Variants in DNAAF9 observed in about 807,000 individuals in gnomAD.
DNAAF9 encodes the protein shulin.
DNAAF9 carries 90 observed loss-of-function variants against 167.0 expected under a neutral mutation model. The ratio of observed to expected loss-of-function variants is 0.54; its 90% CI spans 0.45 to 0.64. DNAAF9 has a LOEUF of 0.64. Among genes scored for constraint, DNAAF9 ranks in the 30% least tolerant of loss-of-function variants. The pLI is 0.00. For missense variants in DNAAF9, 1,315 were observed against 1,442.2 expected (o/e 0.91, Z 1.43); for synonymous variants, 491 against 508.8 (o/e 0.96, Z 0.47).
intron 30 of DNAAF9, among the ~76,000 whole-genome samples, chr20:3,268,532 T>C (rs981710015): frequency 3.3e-5 from 5 of 152,082 alleles, no homozygotes; most frequent in Non-Finnish European, 7.4e-5. Flanking sequence ...TTTCACCATG[T>C]TGGTAGGGCT....
At chr20:3,380,788 T>C (rs2083638669) in intron 3 of DNAAF9, among the ~76,000 whole-genome samples, 1 of 152,214 alleles carries the variant, frequency 6.6e-6, no homozygotes, top group Non-Finnish European at 1.5e-5. Flanking sequence ...ATATGTGATA[T>C]CAGAGATAGC....
intron 7 of DNAAF9, among the ~76,000 whole-genome samples, chr20:3,349,210 A>AC (rs1555794924): frequency 6.6e-6 from 1 of 150,398 alleles, no homozygotes; most frequent in Non-Finnish European, 1.5e-5. Context: ...AAAACAAAAA[A>AC]AAAAAAAACA....
In DNAAF9 at chr20:3,274,209, C is replaced by T. The variant is rs144693436; in HGVS notation, c.2651-3647G>A. On this transcript the variant is annotated intron_variant, in intron 29 of 36. Transcript: ENST00000252032. ...CCAGGCTGCAGTGTAGTGGTGTGAT[C>T]TCGGCTGGTTGCAACCTCCATGTCC... is the stretch of plus-strand genomic sequence containing the variant. Among the ~76,000 whole-genome samples, 1,370 of 150,882 alleles carry T rather than the reference C, an allele frequency of 9.1e-3. 19 individuals carry two copies. The highest frequency in any genetic ancestry group is 0.032 in the African/African-American group (1,316 of 41,112).
chr20:3,290,787 C>CTTTT lies in DNAAF9; in HGVS notation c.2239-574_2239-571dup, dbSNP rs548143543. Reference sequence around the variant, plus strand: ...CCAAGTCACACGGTCAGGGCTAAGTCTTTTTTTTTTTTTTTTTTTGAGATG... The same window carrying CTTTT: ...CCAAGTCACACGGTCAGGGCTAAGTCTTTTTTTTTTTTTTTTTTTTTTTGAGATG... On this transcript the variant is annotated intron_variant, in intron 25 of 36. Coordinates refer to ENST00000252032, the MANE Select transcript of DNAAF9 (RefSeq NM_001009984.3). 6.8e-3 allele frequency among the ~76,000 whole-genome samples: 923 copies of CTTTT among 135,246 alleles called. 11 individuals are homozygous for CTTTT. The highest frequency in any genetic ancestry group is 0.024 in the African/African-American group (889 of 36,334). 88.7% of individuals were successfully genotyped at this position (135,246 alleles called of 152,430 possible).
At position 3,290,157 on chromosome 20, in the gene DNAAF9, G is replaced by T; in HGVS notation, c.2299C>A (p.Leu767Met). The T allele has an allele frequency of 6.2e-7, 1 of 1,612,552 alleles. No individual in the cohort carries two copies. The highest frequency in any genetic ancestry group is 8.5e-7 in the Non-Finnish European group (1 of 1,178,510). The stretch of plus-strand genomic sequence containing the variant: ...CCACATTCCTTATGCAGAGTGACCA[G>T]AAAAGCACAGAGCTCGCTAGCGTGA... ...GCHASELCAF[L>M]VTLHKECGRW... is the part of the protein sequence containing the mutation. Residue 767 changes from leucine (L) to methionine (M), a missense_variant, in exon 26 of 37, where the codon CTG becomes ATG. Leu to Met is a conservative substitution (Grantham distance 15). This residue lies in a region of DNAAF9 where 981 missense variants were observed against 1,012.5 expected (regional missense o/e 0.97). Transcript: ENST00000252032.
intron 30 of DNAAF9, among the ~76,000 whole-genome samples, chr20:3,266,452 T>C (rs2068491327): frequency 6.6e-6 from 1 of 152,172 alleles, no homozygotes; most frequent in Non-Finnish European, 1.5e-5. Context: ...GGTTACAAAA[T>C]GATTATTTTC....
intron 1 of DNAAF9, among the ~76,000 whole-genome samples, chr20:3,388,597 G>A (rs897734719): frequency 2.0e-5 from 3 of 152,166 alleles, no homozygotes; most frequent in African/African-American, 7.2e-5. Context: ...ACACACAATG[G>A]AATATTATTT....
rs1050187996 is a variant in DNAAF9, at chr20:3,255,925, G to A, written c.3261+81C>T. 6.9e-5 allele frequency: 71 copies of A among 1,032,740 alleles called. No homozygotes were observed. In the Middle Eastern group the frequency reaches 9.1e-4, roughly 13 times the overall value. 64.0% of individuals were successfully genotyped at this position (1,032,740 alleles called of 1,614,324 possible). On this transcript the variant is annotated intron_variant, in intron 34 of 36. Coordinates refer to ENST00000252032, the MANE Select transcript of DNAAF9 (RefSeq NM_001009984.3). The stretch of plus-strand genomic sequence containing the variant: ...AGTGGGGAGGCATCAGGGAGGCAGT[G>A]GCGGGGCTTCTCAGGGCCAACAGCA...
In DNAAF9 at chr20:3,298,035, G is replaced by A. The variant is rs41281886; in HGVS notation, c.1923C>T (p.Tyr641=). 32,589 of 1,612,062 alleles carry A rather than the reference G, an allele frequency of 0.02. 437 individuals carry two copies. The highest frequency in any genetic ancestry group is 0.038 in the South Asian group (3,462 of 90,984). ...FPKSKIYQAF[Y]SEVFSLWKQQ... Reference sequence around the variant, plus strand: ...GAATAATGACTGATATTACCTCTGAGTAAAATGCTTGGTATATCTTCGATT... The same window carrying A: ...GAATAATGACTGATATTACCTCTGAATAAAATGCTTGGTATATCTTCGATT... Residue 641 remains tyrosine (Y), a synonymous_variant, in exon 22 of 37, where the codon TAC becomes TAT. Transcript: ENST00000252032.
At chr20:3,269,972 C>T (rs1247001305) in intron 30 of DNAAF9, among the ~76,000 whole-genome samples, 1 of 149,288 alleles carries the variant, frequency 6.7e-6, no homozygotes, top group South Asian at 2.1e-4. Flanking sequence ...AAAAAAAAAA[C>T]ACTTCAAAAA....
At chr20:3,312,995 T>C (rs2069440622) in intron 20 of DNAAF9, among the ~76,000 whole-genome samples, 1 of 152,196 alleles carries the variant, frequency 6.6e-6, no homozygotes, top group Non-Finnish European at 1.5e-5. Context: ...ACAGAGACCT[T>C]AGGATACACT....
chr20:3,376,920 T>A (rs1255729033), intron 3 of DNAAF9, among the ~76,000 whole-genome samples: 2 of 151,924 alleles, frequency 1.3e-5, no homozygotes, highest in African/African-American at 4.8e-5. Context: ...AACACAAAAA[T>A]TAGCCGGGTG....
At position 3,407,646 on chromosome 20, in the gene DNAAF9, G is replaced by A; in HGVS notation, c.-89C>T. The A allele has an allele frequency of 3.5e-6, 4 of 1,148,066 alleles. No homozygotes were observed. The highest frequency in any genetic ancestry group is 4.3e-6 in the Non-Finnish European group (4 of 934,466). The allele number at this position is 1,148,066 out of a possible 1,614,324, so 71.1% of individuals were successfully genotyped here. A position where few individuals can be genotyped will look rare whatever the true frequency, so the allele number is the denominator to read the frequency against. ...GCGGCTCCACGCTAGCTGCGGCCGG[G>A]CGGGGCGGCAGGGCGTGCCGGGTGG... is the stretch of plus-strand genomic sequence containing the variant. On this transcript the variant is annotated 5_prime_UTR_variant, in exon 1 of 37. Transcript: ENST00000252032.
Position 3,343,858 on chromosome 20 carries a change from T to C in DNAAF9, c.790-127A>G, listed in dbSNP as rs912259713. 3.2e-3 allele frequency: 1,952 copies of C among 614,240 alleles called. 16 individuals are homozygous for C. The highest frequency in any genetic ancestry group is 0.022 in the East Asian group (788 of 35,208). 38.0% of individuals were successfully genotyped at this position (614,240 alleles called of 1,614,324 possible). A position where few individuals can be genotyped will look rare whatever the true frequency, so the allele number is the denominator to read the frequency against. ...TGCACAGCGTGTGTGTGTGTGTGTG[T>C]GCGTGTGTGCATGTGCGTGTGTGTG... is the stretch of plus-strand genomic sequence containing the variant. On this transcript the variant is annotated intron_variant, in intron 8 of 36. Transcript: ENST00000252032.
Position 3,375,212 on chromosome 20 carries a change from T to G in DNAAF9, c.409-86A>C, listed in dbSNP as rs913721085. ...TTTCTCTGCATTTTGTCAACCAGAG[T>G]TGTCCCAAATGACATTTACAGAGGA... On this transcript the variant is annotated intron_variant, in intron 4 of 36. Coordinates refer to ENST00000252032, the MANE Select transcript of DNAAF9 (RefSeq NM_001009984.3). 6.9e-6 allele frequency: 6 copies of G among 866,602 alleles called. No homozygotes were observed. The African/African-American group carries it at 8.3e-5, about 12-fold the overall frequency. 53.7% of individuals were successfully genotyped at this position (866,602 alleles called of 1,614,324 possible).
rs1241904965 is a variant in DNAAF9, at chr20:3,404,081, G to T, written c.83+3394C>A. On this transcript the variant is annotated intron_variant, in intron 1 of 36. Coordinates refer to ENST00000252032, the MANE Select transcript of DNAAF9 (RefSeq NM_001009984.3). ...TTTCACTCTTGTTGCCCACACTGGA[G>T]TGCAATGGCAAGATCTTGGCTCACT... 5.3e-5 allele frequency among the ~76,000 whole-genome samples: 8 copies of T among 152,214 alleles called. No homozygotes were observed. In the South Asian group the frequency reaches 1.4e-3, roughly 28 times the overall value.
At position 3,288,702 on chromosome 20, in the gene DNAAF9, G is replaced by C. The variant is rs1290449126; in HGVS notation, c.2328-912C>G. The stretch of plus-strand genomic sequence containing the variant: ...GCCTTACCTTGGGGTAGACTGACTG[G>C]ATATTAAACACCTGGTTCAATCTGC... On this transcript the variant is annotated intron_variant, in intron 26 of 36. Coordinates refer to ENST00000252032, the MANE Select transcript of DNAAF9 (RefSeq NM_001009984.3). Among the ~76,000 whole-genome samples the C allele has an allele frequency of 2.0e-5, 3 of 152,100 alleles. No homozygotes were observed. The East Asian group carries it at 5.8e-4, about 29-fold the overall frequency.
At chr20:3,276,377 G>C (rs1284678161) in intron 29 of DNAAF9, among the ~76,000 whole-genome samples, 1 of 152,146 alleles carries the variant, frequency 6.6e-6, no homozygotes, top group Non-Finnish European at 1.5e-5. Flanking sequence ...TCCGAAAACA[G>C]CATATGTGGC....
chr20:3,334,043 A>G (rs991460248), intron 10 of DNAAF9, among the ~76,000 whole-genome samples: 5 of 152,204 alleles, frequency 3.3e-5, no homozygotes, highest in African/African-American at 1.2e-4. Flanking sequence ...GAAGAACCTC[A>G]AGACAGCTTC....
Sources: allele counts gnomAD v4.1 joint callset (sites outside exome capture counted in the v4.1 genomes callset), GRCh38; gene constraint gnomAD v4.1.1; regional missense constraint gnomAD v4.1.1; transcripts MANE v1.5; gene names NCBI Gene and HGNC (gene_info 2026-07-23, HGNC 2026-07-21).